Variants in SRRM4 observed in about 807,000 individuals in gnomAD.
SRRM4 encodes serine/arginine repetitive matrix protein 4.
SRRM4 carries 33 observed loss-of-function variants against 68.9 expected under a neutral mutation model. The ratio of observed to expected loss-of-function variants is 0.48; its 90% confidence interval spans 0.36 to 0.64. The LOEUF is 0.64. Among genes scored for constraint, SRRM4 ranks in the 30% least tolerant of loss-of-function variants. The probability of loss-of-function intolerance (pLI) is 0.00; values close to 1 mark genes in which losing one functional copy is unlikely to be tolerated. For synonymous variants in SRRM4, 318 were observed against 318.8 expected (o/e 1.00, Z 0.03); for missense variants, 817 against 827.1 (o/e 0.99, Z 0.15).
chr12:119,131,987 C>A (rs1954301154), intron 8 of SRRM4, among the ~76,000 whole-genome samples: 1 of 152,144 alleles, frequency 6.6e-6, no homozygotes, highest in African/African-American at 2.4e-5. Flanking sequence ...AACGGTTGGG[C>A]CTGGTTGACA....
chr12:119,104,458 AATTAT>A (rs1046026402), intron 2 of SRRM4, among the ~76,000 whole-genome samples: 39 of 94,928 alleles, frequency 4.1e-4, no homozygotes, highest in African/African-American at 9.7e-4. Context: ...AAGTAATCAT[AATTAT>A]ATTATATAAT....
intron 8 of SRRM4, among the ~76,000 whole-genome samples, chr12:119,131,522 A>G (rs1954297164): frequency 6.6e-6 from 1 of 152,194 alleles, no homozygotes; most frequent in African/African-American, 2.4e-5. Context: ...CCAGCATTGA[A>G]TAGAATTAAG....
intron 1 of SRRM4, among the ~76,000 whole-genome samples, chr12:119,063,621 C>A (rs764402139): frequency 6.6e-6 from 1 of 152,098 alleles, no homozygotes; most frequent in Non-Finnish European, 1.5e-5. Flanking sequence ...TAAATGCAAT[C>A]CTATTTTGTG....
Position 119,001,932 on chromosome 12 carries a change from G to A in SRRM4, c.131+19919G>A, listed in dbSNP as rs1953386993. On this transcript the variant is annotated intron_variant, in intron 1 of 12. Coordinates refer to ENST00000267260, the MANE Select transcript of SRRM4 (RefSeq NM_194286.4). ...TGGGAGGTGGAGGTTGCAGTGAGCT[G>A]TGATCACACCACTCCACTCCAGCCT... The A allele has an allele frequency of 2.0e-5, 3 of 150,012 alleles. No individual in the cohort carries two copies. The Admixed American group carries it at 2.0e-4, about 10-fold the overall frequency. 9.3% of individuals were successfully genotyped at this position (150,012 alleles called of 1,614,324 possible).
chr12:119,086,593 C>T (rs1417999686), intron 1 of SRRM4, among the ~76,000 whole-genome samples: 3 of 152,222 alleles, frequency 2.0e-5, no homozygotes, highest in East Asian at 1.9e-4. Flanking sequence ...TGTACATTCA[C>T]AGAGGCAAGT....
intron 1 of SRRM4, among the ~76,000 whole-genome samples, chr12:119,020,899 A>G (rs891705217): frequency 3.3e-5 from 5 of 152,216 alleles, no homozygotes; most frequent in Non-Finnish European, 5.9e-5. Flanking sequence ...GAATAGCCCT[A>G]ATGGGTAGAC....
At chr12:119,062,951 T>C (rs1278168530) in intron 1 of SRRM4, among the ~76,000 whole-genome samples, 1 of 152,216 alleles carries the variant, frequency 6.6e-6, no homozygotes, top group African/African-American at 2.4e-5. Flanking sequence ...TAAGATATTG[T>C]TTGTCAACTT....
At chr12:119,078,684 C>T (rs1953930376) in intron 1 of SRRM4, among the ~76,000 whole-genome samples, 1 of 152,140 alleles carries the variant, frequency 6.6e-6, no homozygotes, top group Admixed American at 6.5e-5. Flanking sequence ...CTTTGGGAGG[C>T]CAAGGCAGGA....
intron 1 of SRRM4, among the ~76,000 whole-genome samples, chr12:119,034,306 G>T (rs559772883): frequency 1.2e-4 from 19 of 152,294 alleles, no homozygotes; most frequent in African/African-American, 4.6e-4. Flanking sequence ...CCTCTTCAGT[G>T]GGAACAGACT....
In SRRM4 at chr12:119,156,612, C is replaced by CCGGAGCCGGAGT. The variant is rs761770242; in HGVS notation, c.1662_1673dup (p.Ser556_Arg559dup). The CCGGAGCCGGAGT allele has an allele frequency of 1.4e-5, 23 of 1,609,622 alleles. No homozygotes were observed. Among genetic ancestry groups the CCGGAGCCGGAGT allele is most frequent in the African/African-American group, 6.7e-5 (5 of 74,796 alleles). ...GCCGCTCGGCCAGCCGCAGCTACTC[C>CCGGAGCCGGAGT]CGGAGCCGGAGTCGGAGCCGGAGCC... is the stretch of plus-strand genomic sequence containing the variant. On this transcript the variant is annotated inframe_insertion, in exon 13 of 13. Coordinates refer to ENST00000267260, the MANE Select transcript of SRRM4 (RefSeq NM_194286.4).
intron 1 of SRRM4, among the ~76,000 whole-genome samples, chr12:119,024,840 C>T (rs1953537733): frequency 2.6e-5 from 4 of 152,068 alleles, no homozygotes. Context: ...TCCTGAAAAA[C>T]AAGGACTCTC....
At chr12:118,984,091 T>C (rs1008891428) in intron 1 of SRRM4, among the ~76,000 whole-genome samples, 1 of 152,212 alleles carries the variant, frequency 6.6e-6, no homozygotes, top group Non-Finnish European at 1.5e-5. Context: ...GTTTTATAAC[T>C]GTTACTCCTG....
At chr12:119,010,655 A>C (rs963795172) in intron 1 of SRRM4, among the ~76,000 whole-genome samples, 2 of 152,240 alleles carry the variant, frequency 1.3e-5, no homozygotes, top group Non-Finnish European at 2.9e-5. Flanking sequence ...TTTATCAAAA[A>C]TTTTAAAAAA....
At chr12:119,072,715 G>C (rs987018412) in intron 1 of SRRM4, among the ~76,000 whole-genome samples, 1 of 152,152 alleles carries the variant, frequency 6.6e-6, no homozygotes, top group African/African-American at 2.4e-5. Context: ...GGGCAGATAG[G>C]CTATCTTCTC....
chr12:119,020,811 G>C (rs1353132894), intron 1 of SRRM4, among the ~76,000 whole-genome samples: 1 of 152,204 alleles, frequency 6.6e-6, no homozygotes, highest in Non-Finnish European at 1.5e-5. Context: ...GAAATAAAGA[G>C]GATTTTATTT....
intron 1 of SRRM4, among the ~76,000 whole-genome samples, chr12:119,054,949 T>C (rs1288130513): frequency 6.6e-6 from 1 of 152,170 alleles, no homozygotes; most frequent in African/African-American, 2.4e-5. Context: ...TGCTCATCTC[T>C]GAACCAACCA....
chr12:119,143,940 C>G (rs1261896468), intron 8 of SRRM4, among the ~76,000 whole-genome samples: 1 of 152,132 alleles, frequency 6.6e-6, no homozygotes, highest in Non-Finnish European at 1.5e-5. Flanking sequence ...CCATCCGCAG[C>G]TAAGCATGGT....
Position 119,122,061 on chromosome 12 carries a change from C to A in SRRM4, c.465-9C>A, listed in dbSNP as rs1361380987. 1 of 1,597,538 alleles carries A rather than the reference C, an allele frequency of 6.3e-7. No homozygotes were observed. Among genetic ancestry groups the A allele is most frequent in the Non-Finnish European group, 8.6e-7 (1 of 1,165,188 alleles). ...GCATCTTTCAATTAATTGACCATTT[C>A]TTGTTTAGCTCCTCTAGCCCAAAAA... On this transcript the variant is annotated splice_polypyrimidine_tract_variant and intron_variant, in intron 5 of 12. Transcript: ENST00000267260.
intron 1 of SRRM4, among the ~76,000 whole-genome samples, chr12:119,020,586 G>C (rs940218560): frequency 2.0e-5 from 3 of 152,184 alleles, no homozygotes; most frequent in African/African-American, 7.2e-5. Context: ...GAGTCCTGAC[G>C]GAGGGGGAGT....
Sources: allele counts gnomAD v4.1 joint callset (sites outside exome capture counted in the v4.1 genomes callset), GRCh38; gene constraint gnomAD v4.1.1; transcripts MANE v1.5; gene names NCBI Gene and HGNC (gene_info 2026-07-23, HGNC 2026-07-21).